The following TBX5 variants were observed in gnomAD, a reference collection of about 807,000 sequenced individuals.
TBX5 encodes the protein T-box transcription factor 5.
Under a neutral mutation model 51.1 loss-of-function variants are expected in TBX5, and 8 were observed. The observed-to-expected ratio is 0.16, with a 90% CI of 0.09 to 0.28. The LOEUF is 0.28. Among genes scored for constraint, TBX5 ranks in the 10% least tolerant of loss-of-function variants. The pLI is 1.00. For missense variants in TBX5, 589 were observed against 671.7 expected (o/e 0.88, Z 1.36); for synonymous variants, 302 against 266.4 (o/e 1.13, Z -1.30).
intron 7 of TBX5, among the ~76,000 whole-genome samples, chr12:114,368,036 A>C (rs981835651): frequency 2.4e-4 from 37 of 152,346 alleles, no homozygotes; most frequent in Admixed American, 5.2e-4. Flanking sequence ...CTTCAGTCAG[A>C]CACAATTTTC....
At chr12:114,402,854 C>T (rs1157667282) in intron 2 of TBX5, among the ~76,000 whole-genome samples, 1 of 152,058 alleles carries the variant, frequency 6.6e-6, no homozygotes, top group Non-Finnish European at 1.5e-5. Flanking sequence ...ACTGTGTTCA[C>T]GCTCTCTGCT....
In TBX5 at chr12:114,403,798, G is replaced by T. The variant is rs761952835; in HGVS notation, c.101C>A (p.Ala34Asp). 8.7e-6 allele frequency: 14 copies of T among 1,614,046 alleles called. No individual in the cohort carries two copies. In the East Asian group the frequency reaches 2.2e-4, roughly 26 times the overall value. The change falls in exon 2 of 9, where the codon GCC becomes GAC. Residue 34 changes from alanine to aspartate, a missense_variant. Coordinates refer to ENST00000405440, the MANE Select transcript of TBX5 (RefSeq NM_181486.4). Reference sequence around the variant, plus strand: ...CGGGGACGACGGGGACTTGCTGGGGGCCCCGAGCGCGCTCTCGGGTTTCGA... The same window carrying T: ...CGGGGACGACGGGGACTTGCTGGGGTCCCCGAGCGCGCTCTCGGGTTTCGA... The part of the protein sequence containing the change: ...CDSKPESALG[A>D]PSKSPSSPQA...
intron 7 of TBX5, among the ~76,000 whole-genome samples, chr12:114,378,167 A>G (rs1032541717): frequency 6.6e-6 from 1 of 152,172 alleles, no homozygotes; most frequent in African/African-American, 2.4e-5. Flanking sequence ...TCCATCATCT[A>G]CTTAGCCCCT....
chr12:114,360,288 A>C (rs1478065867), intron 8 of TBX5, among the ~76,000 whole-genome samples: 2 of 150,416 alleles, frequency 1.3e-5, no homozygotes, highest in South Asian at 4.2e-4. Flanking sequence ...GCAACCCTAC[A>C]TGCTCAGCCA....
chr12:114,370,930 C>A (rs542185985), intron 7 of TBX5, among the ~76,000 whole-genome samples: 4 of 152,088 alleles, frequency 2.6e-5, no homozygotes, highest in South Asian at 4.2e-4. Context: ...ATCCCTCATA[C>A]CCCTCCCGCC....
chr12:114,371,338 C>T (rs1434004474), intron 7 of TBX5, among the ~76,000 whole-genome samples: 1 of 152,182 alleles, frequency 6.6e-6, no homozygotes, highest in Admixed American at 6.5e-5. Context: ...GCCCACAGAC[C>T]AGCTTCTCCC....
chr12:114,376,574 C>T (rs933888628), intron 7 of TBX5, among the ~76,000 whole-genome samples: 5 of 151,622 alleles, frequency 3.3e-5, no homozygotes, highest in African/African-American at 2.4e-5. Flanking sequence ...GGAGAGCTAA[C>T]GTACAGCAAT....
At chr12:114,394,131 A>AC (rs1871295968) in intron 6 of TBX5, among the ~76,000 whole-genome samples, 1 of 152,076 alleles carries the variant, frequency 6.6e-6, no homozygotes, top group Non-Finnish European at 1.5e-5. Context: ...ACATAGAGAG[A>AC]CCCCGTCTTT....
upstream of TBX5, chr12:114,408,305 A>C: frequency 1.3e-6 from 1 of 779,388 alleles, no homozygotes; most frequent in Non-Finnish European, 1.6e-6. Flanking sequence ...ATAAGACACA[A>C]ATAGAGCCAA....
chr12:114,388,696 G>A (rs953458832), intron 6 of TBX5, among the ~76,000 whole-genome samples: 8 of 148,160 alleles, frequency 5.4e-5, no homozygotes. Flanking sequence ...GTGTGTGTGT[G>A]TGTGTGTGTG....
At chr12:114,392,154 G>A (rs1028229120) in intron 6 of TBX5, among the ~76,000 whole-genome samples, 1 of 139,632 alleles carries the variant, frequency 7.2e-6, no homozygotes, top group Non-Finnish European at 1.5e-5. Context: ...TGAGCATTCA[G>A]ACACACGATT....
upstream of TBX5, chr12:114,407,656 T>A: frequency 3.1e-6 from 2 of 653,218 alleles, no homozygotes; most frequent in Non-Finnish European, 3.8e-6. Context: ...GAATCCATTC[T>A]TGCCAGGTGA....
Position 114,370,892 on chromosome 12 carries a change from G to A in TBX5, c.756-4501C>T, listed in dbSNP as rs1869865296. ...TTCATGAACCCATCACCCGAGCAGT[G>A]TACACTGTACCCAATATATAGCCTT... is the stretch of plus-strand genomic sequence containing the variant. On this transcript the variant is annotated intron_variant, in intron 7 of 8. Coordinates refer to ENST00000405440, the MANE Select transcript of TBX5 (RefSeq NM_181486.4). 2.6e-5 allele frequency among the ~76,000 whole-genome samples: 4 copies of A among 151,880 alleles called. No homozygotes were observed. In the South Asian group the frequency reaches 8.3e-4, roughly 32 times the overall value.
intron 5 of TBX5, among the ~76,000 whole-genome samples, chr12:114,397,901 T>A (rs1871526663): frequency 6.6e-6 from 1 of 152,194 alleles, no homozygotes; most frequent in Non-Finnish European, 1.5e-5. Flanking sequence ...CCCTCTCCCC[T>A]GGAACATCCC....
At chr12:114,384,392 C>T (rs1349149951) in intron 7 of TBX5, among the ~76,000 whole-genome samples, 2 of 152,034 alleles carry the variant, frequency 1.3e-5, no homozygotes, top group African/African-American at 4.8e-5. Flanking sequence ...CCTCCTGCCT[C>T]GGCCTTCTGA....
chr12:114,361,337 C>G (rs2136367331), intron 8 of TBX5, among the ~76,000 whole-genome samples: 1 of 152,360 alleles, frequency 6.6e-6, no homozygotes, highest in Non-Finnish European at 1.5e-5. Flanking sequence ...AATTCCCCTT[C>G]CCCTCTCAAT....
intron 8 of TBX5, among the ~76,000 whole-genome samples, chr12:114,359,542 A>G (rs77620745): frequency 0.012 from 1,806 of 152,314 alleles, 36 homozygotes; most frequent in African/African-American, 0.04. Flanking sequence ...GGTCAGTTAT[A>G]TTGCAACTAT....
intron 7 of TBX5, among the ~76,000 whole-genome samples, chr12:114,370,298 AAAAGAAAAGAAAAG>A (rs1869813930): frequency 7.4e-6 from 1 of 134,442 alleles, no homozygotes. Flanking sequence ...GAAAGAAAAG[AAAAGAAAAGAAAAG>A]AAAGAAAAGA....
In TBX5 at chr12:114,401,857, C is replaced by T; in HGVS notation, c.211G>A (p.Gly71Ser). ...RELWLKFHEV[G>S]TEMIITKAGR... ...GCCTTGGTTATGATCATTTCCGTGCCCACTTCGTGGAATTTTAGCCACAGT... is the reference window on the plus strand; with the variant it reads ...GCCTTGGTTATGATCATTTCCGTGCTCACTTCGTGGAATTTTAGCCACAGT... The change falls in exon 3 of 9, where the codon GGC becomes AGC. Residue 71 changes from glycine (G) to serine (S), a missense_variant. By Grantham distance (56) the Gly-to-Ser change is moderately conservative. Transcript: ENST00000405440. 1 of 1,614,192 alleles carries T rather than the reference C, an allele frequency of 6.2e-7. No homozygotes were observed. Among genetic ancestry groups the T allele is most frequent in the Non-Finnish European group, 8.5e-7 (1 of 1,180,026 alleles).
Sources: gnomAD v4.1 joint callset for allele counts (sites outside exome capture counted in the v4.1 genomes callset) on GRCh38, gnomAD v4.1.1 for gene constraint, MANE v1.5 for transcripts, NCBI Gene and HGNC (gene_info 2026-07-23, HGNC 2026-07-21) for gene names.